RARB: variants seen among roughly 807,000 people sequenced by gnomAD.
RARB encodes retinoic acid receptor beta.
RARB carries 17 observed loss-of-function variants against 51.9 expected under a neutral mutation model. The observed-to-expected ratio is 0.33, with a 90% CI of 0.22 to 0.49. The LOEUF is 0.49. Among genes scored for constraint, RARB ranks in the 20% least tolerant of loss-of-function variants. The pLI, the probability that RARB is intolerant of heterozygous loss-of-function variation, is 0.99. For synonymous variants in RARB, 215 were observed against 195.4 expected (o/e 1.10, Z -0.84); for missense variants, 369 against 550.8 (o/e 0.67, Z 3.30).
chr3:25,260,694 C>T (rs556643685), intron 5 of RARB, among the ~76,000 whole-genome samples: 4 of 152,214 alleles, frequency 2.6e-5, no homozygotes, highest in South Asian at 2.1e-4. Context: ...CATCTGCAGC[C>T]GCCTGTGTTC....
upstream of RARB, among the ~76,000 whole-genome samples, chr3:25,423,282 C>G (rs1390575951): frequency 6.6e-6 from 1 of 152,172 alleles, no homozygotes; most frequent in Non-Finnish European, 1.5e-5. Flanking sequence ...TTGCACTAAC[C>G]TAATAGTACT....
chr3:25,073,072 T>G (rs1310244669), intron 3 of RARB, among the ~76,000 whole-genome samples: 1 of 152,140 alleles, frequency 6.6e-6, no homozygotes, highest in Non-Finnish European at 1.5e-5. Flanking sequence ...AAATGAGTAT[T>G]AGGGAAAACT....
intron 1 of RARB, among the ~76,000 whole-genome samples, chr3:25,440,722 G>A (rs998124759): frequency 1.3e-4 from 20 of 151,964 alleles, no homozygotes; most frequent in Non-Finnish European, 2.5e-4. Flanking sequence ...GCAGTGAGCC[G>A]AGATCGCGCC....
At chr3:25,079,680 CATTG>C (rs1431192279) in intron 3 of RARB, among the ~76,000 whole-genome samples, 1 of 152,098 alleles carries the variant, frequency 6.6e-6, no homozygotes, top group Non-Finnish European at 1.5e-5. Flanking sequence ...TGATGAATAA[CATTG>C]ATTAATTTTT....
At chr3:25,140,532 A>T (rs1700092396) in intron 4 of RARB, among the ~76,000 whole-genome samples, 2 of 152,204 alleles carry the variant, frequency 1.3e-5, no homozygotes, top group South Asian at 4.1e-4. Context: ...CTTCTTGTGG[A>T]TGACCAAAGA....
At chr3:25,038,275 G>C (rs140721660) in intron 2 of RARB, among the ~76,000 whole-genome samples, 2 of 152,104 alleles carry the variant, frequency 1.3e-5, no homozygotes, top group Non-Finnish European at 2.9e-5. Context: ...ATGAAGTTGT[G>C]TATAACATAT....
At chr3:24,911,024 C>G (rs969347003) in intron 2 of RARB, among the ~76,000 whole-genome samples, 1 of 152,192 alleles carries the variant, frequency 6.6e-6, no homozygotes, top group Admixed American at 6.5e-5. Flanking sequence ...AATTTCTCTT[C>G]GGCAAGCTGT....
intron 3 of RARB, among the ~76,000 whole-genome samples, chr3:25,098,772 C>G (rs535050060): frequency 6.6e-6 from 1 of 152,216 alleles, no homozygotes; most frequent in African/African-American, 2.4e-5. Context: ...TTACTGACCC[C>G]GATCCTAAAT....
intron 2 of RARB, among the ~76,000 whole-genome samples, chr3:25,499,019 A>G (rs1359920025): frequency 6.6e-6 from 1 of 152,212 alleles, no homozygotes; most frequent in African/African-American, 2.4e-5. Flanking sequence ...TTCTTGGAAA[A>G]TGTGTGTGTC....
intron 2 of RARB, among the ~76,000 whole-genome samples, chr3:24,910,950 G>A (rs1694977487): frequency 1.3e-5 from 2 of 152,170 alleles, no homozygotes; most frequent in Non-Finnish European, 2.9e-5. Context: ...TTCTACCACA[G>A]GGCCAACATA....
intron 5 of RARB, among the ~76,000 whole-genome samples, chr3:25,294,488 G>A (rs1703868781): frequency 6.6e-6 from 1 of 152,160 alleles, no homozygotes; most frequent in South Asian, 2.1e-4. Flanking sequence ...GCTAAAAGAG[G>A]AAACTGCAGA....
intron 5 of RARB, among the ~76,000 whole-genome samples, chr3:25,418,559 A>G (rs1396722050): frequency 1.3e-5 from 2 of 152,138 alleles, no homozygotes; most frequent in Non-Finnish European, 2.9e-5. Context: ...CTCCAGTCTC[A>G]GAGGTCTACC....
intron 4 of RARB, among the ~76,000 whole-genome samples, chr3:25,149,423 T>C (rs761808731): frequency 3.9e-5 from 6 of 152,236 alleles, no homozygotes; most frequent in Admixed American, 6.5e-5. Context: ...ATGCTAACCA[T>C]AGTTCTACCA....
rs140397617 is a variant in RARB, at chr3:25,283,506, C to T, written c.178+108931C>T. Reference sequence around the variant, plus strand: ...GCCACATCAATCTGACAGGAGGCCACGTAATTGCTGAAATTAAAACATAAT... The same window carrying T: ...GCCACATCAATCTGACAGGAGGCCATGTAATTGCTGAAATTAAAACATAAT... On this transcript the variant is annotated intron_variant, in intron 5 of 11. Coordinates refer to the RARB transcript ENST00000383772. Among the ~76,000 whole-genome samples the T allele has an allele frequency of 4.2e-3, 642 of 152,278 alleles. 3 individuals carry two copies. The highest frequency in any genetic ancestry group is 0.013 in the African/African-American group (556 of 41,564).
intron 2 of RARB, among the ~76,000 whole-genome samples, chr3:25,488,059 T>TTCCCC (rs1575451377): frequency 3.3e-5 from 5 of 152,310 alleles, no homozygotes; most frequent in East Asian, 1.9e-4. Context: ...CTGTTGACAG[T>TTCCCC]ATGGGGAATT....
chr3:25,268,651 A>G (rs1000424614), intron 5 of RARB, among the ~76,000 whole-genome samples: 1 of 152,092 alleles, frequency 6.6e-6, no homozygotes, highest in Non-Finnish European at 1.5e-5. Context: ...CTGCCTCAGC[A>G]CCTTTGCACT....
intron 3 of RARB, among the ~76,000 whole-genome samples, chr3:25,082,416 G>C (rs939363685): frequency 6.6e-6 from 1 of 151,568 alleles, no homozygotes; most frequent in Non-Finnish European, 1.5e-5. Flanking sequence ...TTTTCTCTAA[G>C]TTCAGTAATT....
intron 2 of RARB, among the ~76,000 whole-genome samples, chr3:25,043,174 A>G (rs1698147695): frequency 6.6e-6 from 1 of 152,118 alleles, no homozygotes; most frequent in Admixed American, 6.5e-5. Flanking sequence ...AATAGTCATA[A>G]CTCATCAAAA....
At chr3:25,476,025 C>T (rs1418273928) in intron 2 of RARB, among the ~76,000 whole-genome samples, 1 of 152,180 alleles carries the variant, frequency 6.6e-6, no homozygotes, top group Non-Finnish European at 1.5e-5. Context: ...GATGGAGTCA[C>T]CTCCATTTAG....
Sources: allele counts gnomAD v4.1 joint callset (sites outside exome capture counted in the v4.1 genomes callset), GRCh38; gene constraint gnomAD v4.1.1; transcripts MANE v1.5; gene names NCBI Gene and HGNC (gene_info 2026-07-23, HGNC 2026-07-21).